Variants in GRM8 observed in about 807,000 individuals in gnomAD.
GRM8 encodes metabotropic glutamate receptor 8.
GRM8 carries 47 observed loss-of-function variants against 87.2 expected under a neutral mutation model. The observed-to-expected ratio is 0.54, with a 90% CI of 0.43 to 0.69. GRM8 has a LOEUF of 0.69. GRM8 is among the 30% of genes least tolerant of loss of function. GRM8 has a pLI of 0.00. For synonymous variants in GRM8, 396 were observed against 404.5 expected, an observed-to-expected ratio of 0.98 and a Z score of 0.25; for missense variants, 1,019 against 1,139.2, an observed-to-expected ratio of 0.89 and a Z score of 1.52.
chr7:126,703,495 G>C (rs1375461040), intron 7 of GRM8, among the ~76,000 whole-genome samples: 3 of 152,104 alleles, frequency 2.0e-5, no homozygotes, highest in East Asian at 1.9e-4. Context: ...TCTAAACCAG[G>C]TCCTAGGGTC....
chr7:126,615,346 G>A (rs1429926253), intron 7 of GRM8, among the ~76,000 whole-genome samples: 2 of 152,048 alleles, frequency 1.3e-5, no homozygotes, highest in Non-Finnish European at 2.9e-5. Flanking sequence ...TCACCACCAG[G>A]CCTGCCCTAC....
At chr7:127,046,001 A>G (rs10954141) in intron 3 of GRM8, among the ~76,000 whole-genome samples, 52,606 of 152,146 alleles carry the variant, frequency 0.35, 9,531 homozygotes, top group Non-Finnish European at 0.41. Context: ...TTTTCAATAC[A>G]GAAACATCCC....
chr7:126,895,407 T>A (rs1005165444), intron 6 of GRM8, among the ~76,000 whole-genome samples: 1 of 152,058 alleles, frequency 6.6e-6, no homozygotes, highest in Non-Finnish European at 1.5e-5. Flanking sequence ...CTCACCAGGA[T>A]CCATGTCACC....
At chr7:126,835,078 A>C (rs1795720203) in intron 6 of GRM8, among the ~76,000 whole-genome samples, 2 of 120,150 alleles carry the variant, frequency 1.7e-5, no homozygotes, top group Non-Finnish European at 3.9e-5. Flanking sequence ...TCTATCTCAA[A>C]AAAAAAATAA....
At chr7:127,103,410 ACCTCCTCC>A (rs1825516065) in intron 3 of GRM8, among the ~76,000 whole-genome samples, 1 of 151,528 alleles carries the variant, frequency 6.6e-6, no homozygotes, top group Non-Finnish European at 1.5e-5. Flanking sequence ...AGTGTGTTGC[ACCTCCTCC>A]CCTTGCTCCT....
chr7:126,910,292 CT>C (rs1410387285), intron 3 of GRM8, among the ~76,000 whole-genome samples: 3 of 152,092 alleles, frequency 2.0e-5, no homozygotes, highest in Admixed American at 6.5e-5. Flanking sequence ...TTTGTTACTT[CT>C]TTTTCTTTTT....
At chr7:127,165,736 G>C (rs1793414488) in intron 2 of GRM8, among the ~76,000 whole-genome samples, 1 of 152,108 alleles carries the variant, frequency 6.6e-6, no homozygotes, top group Non-Finnish European at 1.5e-5. Flanking sequence ...TCATGCCACT[G>C]TTCAGCTGTT....
intron 6 of GRM8, 44 bp downstream of exon 6, chr7:126,902,498 T>C (rs758796827): frequency 1.4e-6 from 2 of 1,448,654 alleles, no homozygotes; most frequent in African/African-American, 1.4e-5. Flanking sequence ...TGAAAACAAA[T>C]GAAAATGAAA....
intron 6 of GRM8, among the ~76,000 whole-genome samples, chr7:126,859,641 G>T (rs1165909928): frequency 1.3e-5 from 2 of 152,180 alleles, no homozygotes; most frequent in Admixed American, 1.3e-4. Flanking sequence ...TCTGATGCAA[G>T]TTTAGACAGA....
At chr7:126,834,339 C>T (rs1250996341) in intron 6 of GRM8, among the ~76,000 whole-genome samples, 21 of 152,320 alleles carry the variant, frequency 1.4e-4, no homozygotes, top group Non-Finnish European at 4.4e-5. Context: ...CTAATGGAGT[C>T]ACTCTGGCCA....
At chr7:126,894,352 AG>A (rs1278234519) in intron 6 of GRM8, among the ~76,000 whole-genome samples, 3 of 152,038 alleles carry the variant, frequency 2.0e-5, no homozygotes, top group Non-Finnish European at 4.4e-5. Flanking sequence ...TCCATTTGTG[AG>A]TTCTTCAGTG....
intron 3 of GRM8, among the ~76,000 whole-genome samples, chr7:126,980,149 G>A (rs956116886): frequency 4.6e-5 from 7 of 152,242 alleles, no homozygotes; most frequent in Admixed American, 1.3e-4. Context: ...CCCACTTAAG[G>A]TCAGAGTATG....
chr7:127,012,305 T>C (rs992037018), intron 3 of GRM8, among the ~76,000 whole-genome samples: 1 of 152,146 alleles, frequency 6.6e-6, no homozygotes, highest in Non-Finnish European at 1.5e-5. Flanking sequence ...TTTGCTGTCT[T>C]TTCTTCTCAT....
At chr7:126,639,354 C>A (rs10954128) in intron 7 of GRM8, among the ~76,000 whole-genome samples, 2 of 151,976 alleles carry the variant, frequency 1.3e-5, no homozygotes, top group Non-Finnish European at 2.9e-5. Flanking sequence ...GCTTAACAAC[C>A]ATTTATTAAA....
chr7:126,455,260 T>C (rs1803095088), intron 9 of GRM8, among the ~76,000 whole-genome samples: 1 of 151,612 alleles, frequency 6.6e-6, no homozygotes, highest in Admixed American at 6.6e-5. Context: ...AGTCATACAA[T>C]ACATGAAAAT....
At chr7:126,661,600 TGAAGA>T (rs1299612836) in intron 7 of GRM8, among the ~76,000 whole-genome samples, 1 of 152,190 alleles carries the variant, frequency 6.6e-6, no homozygotes, top group Non-Finnish European at 1.5e-5. Flanking sequence ...AACAAACACC[TGAAGA>T]GCCTGAGAAT....
intron 8 of GRM8, among the ~76,000 whole-genome samples, chr7:126,585,446 T>A (rs957760207): frequency 6.6e-6 from 1 of 152,184 alleles, no homozygotes; most frequent in African/African-American, 2.4e-5. Flanking sequence ...ATTTTATGGA[T>A]ACTATTTATA....
chr7:127,118,899 C>A (rs911206733), intron 2 of GRM8, among the ~76,000 whole-genome samples: 4 of 152,180 alleles, frequency 2.6e-5, no homozygotes, highest in Non-Finnish European at 5.9e-5. Context: ...TGGACATCAC[C>A]AGCCATTGCC....
intron 7 of GRM8, among the ~76,000 whole-genome samples, chr7:126,717,318 G>A (rs138997722): frequency 1.1e-4 from 16 of 152,264 alleles, no homozygotes; most frequent in African/African-American, 3.1e-4. Flanking sequence ...CAGGAAGGTC[G>A]AGGCTTGTGG....
Sources: gnomAD v4.1 joint callset for allele counts (sites outside exome capture counted in the v4.1 genomes callset) on GRCh38, gnomAD v4.1.1 for gene constraint, MANE v1.5 for transcripts, NCBI Gene and HGNC (gene_info 2026-07-23, HGNC 2026-07-21) for gene names.